Variants in ARHGEF3 observed in about 807,000 individuals in gnomAD.
The protein encoded by ARHGEF3 is Rho guanine nucleotide exchange factor 3, also known as 59.8 kDA protein.
In ARHGEF3, 28 loss-of-function variants were observed where a neutral mutation model predicts 63.2. The observed-to-expected ratio is 0.44, with a 90% CI of 0.33 to 0.61. The LOEUF (loss-of-function observed/expected upper bound fraction) is 0.61. ARHGEF3 is among the 20% of genes least tolerant of loss of function. The probability of loss-of-function intolerance (pLI) is 0.03; values close to 1 mark genes in which losing one functional copy is unlikely to be tolerated. For synonymous variants in ARHGEF3, 266 were observed against 254.2 expected, an observed-to-expected ratio of 1.05 and a Z score of -0.44; for missense variants, 533 against 659.3, an observed-to-expected ratio of 0.81 and a Z score of 2.10.
chr3:57,017,896 A>C (rs1031626731), intron 2 of ARHGEF3, among the ~76,000 whole-genome samples: 1 of 152,226 alleles, frequency 6.6e-6, no homozygotes, highest in Admixed American at 6.5e-5. Context: ...CATGAATAGG[A>C]AGAGAAACGA....
At chr3:56,755,918 T>G (rs1213355558) in intron 2 of ARHGEF3, among the ~76,000 whole-genome samples, 1 of 152,230 alleles carries the variant, frequency 6.6e-6, no homozygotes. Flanking sequence ...TGGATCCCAC[T>G]GTGCCTGAAA....
intron 1 of ARHGEF3, among the ~76,000 whole-genome samples, chr3:56,774,387 T>C (rs1055459334): frequency 2.6e-5 from 4 of 152,156 alleles, no homozygotes; most frequent in Non-Finnish European, 5.9e-5. Flanking sequence ...GAAATGCACA[T>C]ATTAATATTT....
intron 4 of ARHGEF3, among the ~76,000 whole-genome samples, chr3:56,823,061 C>A (rs2038579269): frequency 6.6e-6 from 1 of 152,096 alleles, no homozygotes. Context: ...TGGAACACTA[C>A]CAAAACTAAA....
chr3:57,058,909 G>A (rs9840288), intron 1 of ARHGEF3, among the ~76,000 whole-genome samples: 3 of 148,936 alleles, frequency 2.0e-5, no homozygotes, highest in Non-Finnish European at 4.4e-5. Flanking sequence ...ACCAAACACC[G>A]CATGTTCTCA....
intron 1 of ARHGEF3, among the ~76,000 whole-genome samples, chr3:57,042,974 G>C (rs2107269146): frequency 6.6e-6 from 1 of 151,646 alleles, no homozygotes; most frequent in East Asian, 1.9e-4. Flanking sequence ...TGGGATTACA[G>C]GCATGAGCCA....
chr3:56,812,505 C>T (rs1234514396), intron 4 of ARHGEF3, among the ~76,000 whole-genome samples: 1 of 152,240 alleles, frequency 6.6e-6, no homozygotes, highest in Non-Finnish European at 1.5e-5. Flanking sequence ...TGCTCATCTG[C>T]CCTTTTCCTT....
chr3:56,916,194 T>C, intron 3 of ARHGEF3: 1 of 1,344,230 alleles, frequency 7.4e-7, no homozygotes, highest in Middle Eastern at 2.4e-4. Context: ...ATCAGTTTCT[T>C]GGAAGGTAAA....
At chr3:56,757,281 T>C (rs2035133020) in intron 2 of ARHGEF3, among the ~76,000 whole-genome samples, 2 of 152,198 alleles carry the variant, frequency 1.3e-5, no homozygotes, top group Non-Finnish European at 2.9e-5. Context: ...GACACCAGCC[T>C]GGCCAACATG....
chr3:56,827,944 CAAAAA>C (rs11462683), intron 4 of ARHGEF3, among the ~76,000 whole-genome samples: 1 of 33,816 alleles, frequency 3.0e-5, no homozygotes, highest in African/African-American at 1.4e-4. Flanking sequence ...GATTCTGTCT[CAAAAA>C]AAAAAAAAAA....
Position 56,727,863 on chromosome 3 carries a change from T to C in ARHGEF3, c.*1407A>G, listed in dbSNP as rs752346623. On this transcript the variant is annotated 3_prime_UTR_variant, in exon 10 of 10. Transcript: ENST00000296315. Reference sequence around the variant, plus strand: ...GATATATCTTGTCACACAGCTTGAATGCACATGATATATGTACATAATAAA... The same window carrying C: ...GATATATCTTGTCACACAGCTTGAACGCACATGATATATGTACATAATAAA... 2 of 152,670 alleles carry C rather than the reference T, an allele frequency of 1.3e-5. No homozygotes were observed. The highest frequency in any genetic ancestry group is 4.8e-5 in the African/African-American group (2 of 41,460). The allele number at this position is 152,670 out of a possible 1,614,324, so 9.5% of individuals were successfully genotyped here. A position where few individuals can be genotyped will look rare whatever the true frequency, so the allele number is the denominator to read the frequency against.
At chr3:56,846,834 C>G (rs754134356) in intron 4 of ARHGEF3, among the ~76,000 whole-genome samples, 4 of 152,164 alleles carry the variant, frequency 2.6e-5, no homozygotes, top group South Asian at 4.1e-4. Flanking sequence ...GAATCACCCA[C>G]AAGGATAGAC....
chr3:56,737,310 C>A lies in ARHGEF3; in HGVS notation c.916G>T (p.Gly306Cys). 1 of 1,613,626 alleles carries A rather than the reference C, an allele frequency of 6.2e-7. No individual in the cohort carries two copies. The highest frequency in any genetic ancestry group is 8.5e-7 in the Non-Finnish European group (1 of 1,179,724). The change falls in exon 8 of 10, where the codon GGT becomes TGT. Residue 306 changes from glycine (G) to cysteine (C), a missense_variant. Physicochemically the swap from Gly to Cys is radical, Grantham distance 159. Coordinates refer to ENST00000296315, the MANE Select transcript of ARHGEF3 (RefSeq NM_019555.3). ...GIVAEINTKT[G>C]ESECRYYKER... ...TTATAATAGCGGCATTCAGATTCACCAGTCTTGGTGTTGATTTCTGCCACA... is the reference window on the plus strand; with the variant it reads ...TTATAATAGCGGCATTCAGATTCACAAGTCTTGGTGTTGATTTCTGCCACA...
At chr3:56,932,307 T>C (rs559423845) in intron 3 of ARHGEF3, among the ~76,000 whole-genome samples, 2 of 152,306 alleles carry the variant, frequency 1.3e-5, no homozygotes, top group African/African-American at 4.8e-5. Context: ...AAAAAAGTCA[T>C]GTATAACCTC....
intron 1 of ARHGEF3, among the ~76,000 whole-genome samples, chr3:57,038,309 G>T (rs1160348856): frequency 2.0e-5 from 3 of 152,138 alleles, no homozygotes; most frequent in African/African-American, 4.8e-5. Context: ...TCTCAATGAG[G>T]CCCCGGGGGT....
At position 57,055,162 on chromosome 3, in the gene ARHGEF3, G is replaced by GTTTTT. The variant is rs1560165562; in HGVS notation, c.-27-19987_-27-19986insAAAAA. ...ATGATTTATAAGCTTTTCTCTTTAT[G>GTTTTT]CTTTTTTTTTTTTTTTTGAGACGAA... is the stretch of plus-strand genomic sequence containing the variant. On this transcript the variant is annotated intron_variant, in intron 1 of 12. Transcript: ENST00000338458. 7.0e-3 allele frequency among the ~76,000 whole-genome samples: 973 copies of GTTTTT among 139,740 alleles called. 28 individuals carry two copies. Among genetic ancestry groups the GTTTTT allele is most frequent in the African/African-American group, 0.025 (916 of 37,358 alleles). The allele number at this position is 139,740 out of a possible 152,430, so 91.7% of individuals were successfully genotyped here.
At chr3:56,761,798 AG>A (rs1422200835) in intron 2 of ARHGEF3, among the ~76,000 whole-genome samples, 1 of 152,180 alleles carries the variant, frequency 6.6e-6, no homozygotes. Flanking sequence ...CCCGGTGGTA[AG>A]GTGACTGTCA....
At chr3:56,831,496 C>T (rs145481750) in intron 4 of ARHGEF3, among the ~76,000 whole-genome samples, 194 of 152,330 alleles carry the variant, frequency 1.3e-3, no homozygotes, top group African/African-American at 4.7e-3. Context: ...GTCTCTGTTG[C>T]AACTATTCAC....
At position 57,002,990 on chromosome 3, in the gene ARHGEF3, G is replaced by A. The variant is rs1011083138; in HGVS notation, c.62+32098C>T. Reference sequence around the variant, plus strand: ...GGTTTCATCATGTTGGCCAGGCTCCGTCTCCTGACCTCAGGTGATCCCACC... The same window carrying A: ...GGTTTCATCATGTTGGCCAGGCTCCATCTCCTGACCTCAGGTGATCCCACC... On this transcript the variant is annotated intron_variant, in intron 2 of 12. Transcript: ENST00000338458. 4.0e-5 allele frequency among the ~76,000 whole-genome samples: 6 copies of A among 151,188 alleles called. 1 individual carries two copies. Among genetic ancestry groups the A allele is most frequent in the Admixed American group, 3.9e-4 (6 of 15,206 alleles).
Position 56,945,734 on chromosome 3 carries a change from C to T in ARHGEF3, c.129+13089G>A, listed in dbSNP as rs552475715. Among the ~76,000 whole-genome samples the T allele has an allele frequency of 5.3e-5, 8 of 152,354 alleles. 1 individual carries two copies. The South Asian group carries it at 1.7e-3, about 32-fold the overall frequency. On this transcript the variant is annotated intron_variant, in intron 3 of 12. Transcript: ENST00000338458. ...ATAGCCAAATAAAAGGCAGCAGAAT[C>T]CTCTGCAGACTTAAATGTCCCTGTC...
Sources: allele counts gnomAD v4.1 joint callset (sites outside exome capture counted in the v4.1 genomes callset), GRCh38; gene constraint gnomAD v4.1.1; transcripts MANE v1.5; gene names NCBI Gene and HGNC (gene_info 2026-07-23, HGNC 2026-07-21).